The following DLGAP1 variants were observed in gnomAD, a reference collection of about 807,000 sequenced individuals.
DLGAP1 encodes disks large-associated protein 1.
In DLGAP1, 11 loss-of-function variants were observed where a neutral mutation model predicts 90.8. The ratio of observed to expected loss-of-function variants is 0.12; its 90% CI spans 0.08 to 0.20. The LOEUF (loss-of-function observed/expected upper bound fraction) is 0.20. Among genes scored for constraint, DLGAP1 ranks in the 10% least tolerant of loss-of-function variants. The pLI is 1.00. For synonymous variants in DLGAP1, 558 were observed against 540.7 expected, an observed-to-expected ratio of 1.03 and a Z score of -0.44; for missense variants, 1,050 against 1,333.8, an observed-to-expected ratio of 0.79 and a Z score of 3.31.
chr18:3,721,665 T>C (rs920072645), intron 7 of DLGAP1: 1 of 152,170 alleles, frequency 6.6e-6, no homozygotes, highest in South Asian at 2.1e-4. Context: ...GGAAGCTAAA[T>C]GCATATTTGC....
At chr18:4,405,783 A>G (rs764462535) in intron 1 of DLGAP1, among the ~76,000 whole-genome samples, 2 of 152,200 alleles carry the variant, frequency 1.3e-5, no homozygotes, top group Non-Finnish European at 2.9e-5. Flanking sequence ...TGCCACCAAC[A>G]GGGGCTCCAA....
chr18:3,592,118 C>G (rs2056280004), intron 7 of DLGAP1, among the ~76,000 whole-genome samples: 1 of 152,086 alleles, frequency 6.6e-6, no homozygotes, highest in South Asian at 2.1e-4. Context: ...GAGAATGATG[C>G]TGAAGAGCTG....
intron 2 of DLGAP1, among the ~76,000 whole-genome samples, chr18:4,141,678 ACTGT>A (rs1396711549): frequency 1.3e-5 from 2 of 151,560 alleles, no homozygotes; most frequent in African/African-American, 2.4e-5. Context: ...GTCCTTTCTG[ACTGT>A]CTATTTTCAA....
chr18:3,894,063 G>T (rs2071552547), intron 3 of DLGAP1, among the ~76,000 whole-genome samples: 1 of 151,942 alleles, frequency 6.6e-6, no homozygotes, highest in African/African-American at 2.4e-5. Context: ...TCTTTAATGG[G>T]GTTATTTGGT....
chr18:3,977,391 C>G (rs1240469502), intron 3 of DLGAP1, among the ~76,000 whole-genome samples: 1 of 147,554 alleles, frequency 6.8e-6, no homozygotes, highest in Non-Finnish European at 1.5e-5. Context: ...TTAAACTGTA[C>G]TAAAATGCTG....
chr18:4,165,468 T>C (rs1470981778), intron 1 of DLGAP1, among the ~76,000 whole-genome samples: 1 of 152,076 alleles, frequency 6.6e-6, no homozygotes, highest in Admixed American at 6.6e-5. Context: ...ACTTTAAAAC[T>C]TGGCTAAAGG....
intron 1 of DLGAP1, among the ~76,000 whole-genome samples, chr18:4,351,331 A>G (rs1573319): frequency 0.7 from 105,687 of 152,032 alleles, 37,616 homozygotes; most frequent in African/African-American, 0.86. Flanking sequence ...AATTAAGCGC[A>G]ACATATTTGG....
At chr18:4,345,205 T>C (rs1201553015) in intron 1 of DLGAP1, among the ~76,000 whole-genome samples, 2 of 152,080 alleles carry the variant, frequency 1.3e-5, no homozygotes, top group African/African-American at 4.8e-5. Context: ...CTTCTTAGTC[T>C]CATGGCTCCC....
chr18:3,901,040 C>A (rs1326434937), intron 3 of DLGAP1, among the ~76,000 whole-genome samples: 1 of 152,010 alleles, frequency 6.6e-6, no homozygotes, highest in Non-Finnish European at 1.5e-5. Flanking sequence ...CGCAGCTTGA[C>A]AGCCCCTCGT....
In DLGAP1 at chr18:3,657,730, A is replaced by G. The variant is rs368347135; in HGVS notation, c.1591+71405T>C. Reference sequence around the variant, plus strand: ...CCATTCTCCTGCCTCAGCCTCCCGAATAGCTGGTACTACAGGCGCCCGCCA... The same window carrying G: ...CCATTCTCCTGCCTCAGCCTCCCGAGTAGCTGGTACTACAGGCGCCCGCCA... On this transcript the variant is annotated intron_variant, in intron 7 of 12. Transcript: ENST00000315677. 2.0e-4 allele frequency among the ~76,000 whole-genome samples: 31 copies of G among 151,696 alleles called. 1 individual carries two copies. Among genetic ancestry groups the G allele is most frequent in the Non-Finnish European group, 3.1e-4 (21 of 67,904 alleles).
At chr18:4,395,366 T>C (rs779957162) in intron 1 of DLGAP1, among the ~76,000 whole-genome samples, 10 of 131,108 alleles carry the variant, frequency 7.6e-5, no homozygotes, top group Non-Finnish European at 1.2e-4. Flanking sequence ...CAAGATAAAC[T>C]TAATCAAAAT....
chr18:4,163,805 T>G (rs1568428638), intron 1 of DLGAP1, among the ~76,000 whole-genome samples: 1 of 152,242 alleles, frequency 6.6e-6, no homozygotes, highest in Non-Finnish European at 1.5e-5. Context: ...CTTTTCTGTG[T>G]CCCTTTTCTG....
intron 8 of DLGAP1, among the ~76,000 whole-genome samples, chr18:3,579,666 C>G (rs11873985): frequency 2.0e-5 from 3 of 152,130 alleles, no homozygotes; most frequent in East Asian, 1.9e-4. Context: ...TAGAAGAACA[C>G]TTTTAGCAGG....
chr18:3,787,311 G>A (rs8099708), intron 5 of DLGAP1, among the ~76,000 whole-genome samples: 29,128 of 151,354 alleles, frequency 0.19, 2,919 homozygotes, highest in Admixed American at 0.23. Context: ...GTGAAACCCC[G>A]TCTCTACTAA....
chr18:4,238,310 A>G (rs897832599), intron 1 of DLGAP1, among the ~76,000 whole-genome samples: 2 of 152,182 alleles, frequency 1.3e-5, no homozygotes, highest in South Asian at 4.1e-4. Flanking sequence ...ACTATTTTCT[A>G]CTGAAAACCC....
intron 2 of DLGAP1, among the ~76,000 whole-genome samples, chr18:4,143,943 G>A (rs1370222031): frequency 1.3e-5 from 2 of 152,120 alleles, no homozygotes; most frequent in Admixed American, 6.5e-5. Context: ...ACTCTATCTG[G>A]TGTCCTAGCC....
chr18:3,943,107 A>T lies in DLGAP1; in HGVS notation c.-73+62009T>A, dbSNP rs1348022850. On this transcript the variant is annotated intron_variant, in intron 3 of 12. Transcript: ENST00000315677. ...CTTTGTGCTCTCCATTCGGTTCTCT[A>T]TTTCACATGTCTTTTCTGGTTATTT... 2.0e-5 allele frequency among the ~76,000 whole-genome samples: 3 copies of T among 151,820 alleles called. No homozygotes were observed. The East Asian group carries it at 5.8e-4, about 29-fold the overall frequency.
At chr18:4,387,525 T>C (rs2082254832) in intron 1 of DLGAP1, among the ~76,000 whole-genome samples, 1 of 152,256 alleles carries the variant, frequency 6.6e-6, no homozygotes, top group South Asian at 2.1e-4. Context: ...ATTATGTCTC[T>C]TGCTCATAAG....
chr18:4,146,379 A>G (rs1477123238), intron 2 of DLGAP1, among the ~76,000 whole-genome samples: 1 of 152,160 alleles, frequency 6.6e-6, no homozygotes, highest in East Asian at 1.9e-4. Flanking sequence ...CTGAATCCCA[A>G]ATCCTGCCTT....
Sources: gnomAD v4.1 joint callset for allele counts (sites outside exome capture counted in the v4.1 genomes callset) on GRCh38, gnomAD v4.1.1 for gene constraint, MANE v1.5 for transcripts, NCBI Gene and HGNC (gene_info 2026-07-23, HGNC 2026-07-21) for gene names.